Variants in AGPAT3 observed in about 807,000 individuals in gnomAD.
The protein encoded by AGPAT3 is 1-acylglycerol-3-phosphate O-acyltransferase 3.
A neutral mutation model predicts 47.3 loss-of-function variants in AGPAT3; 5 were observed. That is an observed-to-expected ratio of 0.11 (90% CI 0.06 to 0.22). The LOEUF is 0.22. AGPAT3 is among the 10% of genes least tolerant of loss of function. AGPAT3 has a pLI of 1.00. For missense variants in AGPAT3, 315 were observed against 493.0 expected (o/e 0.64, Z 3.42); for synonymous variants, 212 against 208.3 (o/e 1.02, Z -0.15).
intron 1 of AGPAT3, among the ~76,000 whole-genome samples, chr21:43,876,707 T>G (rs928465619): frequency 4.6e-5 from 7 of 152,166 alleles, no homozygotes; most frequent in African/African-American, 1.4e-4. Flanking sequence ...CCAGGCTGTC[T>G]GGGGGGAAAT....
chr21:43,943,443 G>A (rs979793453), intron 2 of AGPAT3, among the ~76,000 whole-genome samples: 2 of 152,038 alleles, frequency 1.3e-5, no homozygotes, highest in Non-Finnish European at 2.9e-5. Context: ...GGATTTTATC[G>A]ATCACCTACT....
chr21:43,928,992 C>A (rs1410722067), intron 2 of AGPAT3, among the ~76,000 whole-genome samples: 2 of 152,238 alleles, frequency 1.3e-5, no homozygotes, highest in African/African-American at 4.8e-5. Flanking sequence ...CTTTAGGAGG[C>A]CACACAATTC....
intron 2 of AGPAT3, among the ~76,000 whole-genome samples, chr21:43,907,961 C>T (rs963221185): frequency 2.6e-5 from 4 of 152,318 alleles, no homozygotes; most frequent in South Asian, 2.1e-4. Context: ...GGAGACCCCA[C>T]GGGACCGAGT....
chr21:43,961,655 C>CGTGGGAA (rs1569094960), intron 3 of AGPAT3, among the ~76,000 whole-genome samples: 2 of 151,368 alleles, frequency 1.3e-5, no homozygotes, highest in Non-Finnish European at 2.9e-5. Flanking sequence ...CGCTTTGTCT[C>CGTGGGAA]ATGTGGGAAA....
chr21:43,940,543 A>G (rs2087618515), intron 2 of AGPAT3, among the ~76,000 whole-genome samples: 1 of 152,212 alleles, frequency 6.6e-6, no homozygotes, highest in Admixed American at 6.5e-5. Flanking sequence ...ATCCTTCTGC[A>G]AAGGGGTTTT....
intron 4 of AGPAT3, 114 bp downstream of exon 4, chr21:43,968,229 G>A: frequency 7.9e-7 from 1 of 1,267,362 alleles, no homozygotes; most frequent in Non-Finnish European, 1.1e-6. Flanking sequence ...GCAGGGCTGG[G>A]GGTGGGGTGG....
At chr21:43,877,398 A>T (rs1195819618) in intron 1 of AGPAT3, among the ~76,000 whole-genome samples, 1 of 152,260 alleles carries the variant, frequency 6.6e-6, no homozygotes, top group Non-Finnish European at 1.5e-5. Context: ...TTTCAAAAGT[A>T]GAAAATAAAT....
chr21:43,979,335 GA>G (rs66531037), intron 8 of AGPAT3, among the ~76,000 whole-genome samples: 35,742 of 136,362 alleles, frequency 0.26, 4,504 homozygotes, highest in Admixed American at 0.31. Flanking sequence ...AAAAAAGAAA[GA>G]AAAAAAAAAA....
chr21:43,951,140 C>A (rs1569084965), intron 2 of AGPAT3, among the ~76,000 whole-genome samples: 1 of 151,776 alleles, frequency 6.6e-6, no homozygotes, highest in African/African-American at 2.4e-5. Flanking sequence ...ACACAAGGCC[C>A]TCCCGTGCCA....
chr21:43,865,968 C>T (rs1392497233), intron 1 of AGPAT3, among the ~76,000 whole-genome samples: 1 of 152,080 alleles, frequency 6.6e-6, no homozygotes, highest in Non-Finnish European at 1.5e-5. Context: ...CGCGTTTGCA[C>T]CGGGCGGGTC....
intron 7 of AGPAT3, among the ~76,000 whole-genome samples, chr21:43,973,267 A>G (rs531070037): frequency 6.6e-6 from 1 of 152,336 alleles, no homozygotes; most frequent in Admixed American, 6.5e-5. Context: ...GCCACTGTGG[A>G]CCATGGAGGC....
intron 3 of AGPAT3, among the ~76,000 whole-genome samples, chr21:43,963,388 G>A (rs911588295): frequency 6.6e-6 from 1 of 152,062 alleles, no homozygotes; most frequent in Non-Finnish European, 1.5e-5. Flanking sequence ...CCACACCTAG[G>A]CAGGCCCTGG....
intron 1 of AGPAT3, chr21:43,867,746 T>C (rs555414436): frequency 2.4e-4 from 37 of 152,376 alleles, no homozygotes; most frequent in African/African-American, 8.9e-4. Context: ...ACTGTTTCCT[T>C]TTTAATGACT....
intron 1 of AGPAT3, among the ~76,000 whole-genome samples, chr21:43,893,807 G>A (rs1348833754): frequency 6.6e-6 from 1 of 152,194 alleles, no homozygotes; most frequent in East Asian, 1.9e-4. Context: ...CTCCTCTGAT[G>A]GGGGCCCGGT....
rs904003621 is a variant in AGPAT3 at position 43,959,529 on chromosome 21, A to T, written c.-48-105A>T. On this transcript the variant is annotated intron_variant, in intron 2 of 9. Transcript: ENST00000291572. ...GCAGTGTGCTGTGCAGCATGTGTGTATAAGCGTGAGGCATGTGCGGGGTGT... is the reference window on the plus strand; with the variant it reads ...GCAGTGTGCTGTGCAGCATGTGTGTTTAAGCGTGAGGCATGTGCGGGGTGT... 4 of 1,001,920 alleles carry T rather than the reference A, an allele frequency of 4.0e-6. No homozygotes were observed. The East Asian group carries it at 1.0e-4, about 25-fold the overall frequency. The allele number at this position is 1,001,920 out of a possible 1,614,324, so 62.1% of individuals were successfully genotyped here.
intron 2 of AGPAT3, among the ~76,000 whole-genome samples, chr21:43,919,109 T>C (rs972243653): frequency 6.6e-6 from 1 of 152,204 alleles, no homozygotes; most frequent in Non-Finnish European, 1.5e-5. Flanking sequence ...AGTGTCGTCC[T>C]TAAATGTTAG....
chr21:43,898,836 A>G (rs2086285885), intron 1 of AGPAT3, among the ~76,000 whole-genome samples: 1 of 151,970 alleles, frequency 6.6e-6, no homozygotes, highest in Admixed American at 6.5e-5. Context: ...CTGTGTATTT[A>G]AATTCTTTTT....
At chr21:43,943,701 G>T (rs1305501927) in intron 2 of AGPAT3, among the ~76,000 whole-genome samples, 1 of 152,172 alleles carries the variant, frequency 6.6e-6, no homozygotes, top group Non-Finnish European at 1.5e-5. Flanking sequence ...GGAGGAAGGG[G>T]GCTGCAGCTG....
At chr21:43,910,087 CT>C (rs953848151) in intron 2 of AGPAT3, among the ~76,000 whole-genome samples, 9 of 152,224 alleles carry the variant, frequency 5.9e-5, no homozygotes, top group Non-Finnish European at 1.0e-4. Context: ...TGGGATCCCC[CT>C]GTTCGTGAGT....
Sources: gnomAD v4.1 joint callset for allele counts (sites outside exome capture counted in the v4.1 genomes callset) on GRCh38, gnomAD v4.1.1 for gene constraint, MANE v1.5 for transcripts, NCBI Gene and HGNC (gene_info 2026-07-23, HGNC 2026-07-21) for gene names.